The following DIP2C variants were observed in gnomAD, a reference collection of about 807,000 sequenced individuals.
The protein encoded by DIP2C is DIP2 acetate--CoA ligase C (putative), also known as disco-interacting protein 2 homolog C.
DIP2C carries 33 observed loss-of-function variants against 192.4 expected under a neutral mutation model. That is an observed-to-expected ratio of 0.17 (90% confidence interval 0.13 to 0.23). DIP2C has a LOEUF of 0.23. Ranked by LOEUF, DIP2C falls within the 10% of genes least tolerant of loss-of-function variation. The probability of loss-of-function intolerance (pLI) is 1.00; values close to 1 mark genes in which losing one functional copy is unlikely to be tolerated. For synonymous variants in DIP2C, 979 were observed against 864.1 expected, an observed-to-expected ratio of 1.13 and a Z score of -2.33; for missense variants, 1,537 against 2,110.1, an observed-to-expected ratio of 0.73 and a Z score of 5.32.
At chr10:364,079 T>C (rs1959880451) in intron 20 of DIP2C, among the ~76,000 whole-genome samples, 1 of 152,242 alleles carries the variant, frequency 6.6e-6, no homozygotes, top group Non-Finnish European at 1.5e-5. Flanking sequence ...TATCTGGATC[T>C]TTAATTTGTG....
In DIP2C at chr10:532,297, C is replaced by T. The variant is rs188664024; in HGVS notation, c.86-45767G>A. Among the ~76,000 whole-genome samples the T allele has an allele frequency of 2.0e-3, 298 of 152,236 alleles. 1 individual carries two copies. The highest frequency in any genetic ancestry group is 0.01 in the Middle Eastern group (3 of 294). ...CCTCCACCCCCGCAGTCATGCTGAA[C>T]CAGAACTGGCTTCTAAGGCCCTTAA... On this transcript the variant is annotated intron_variant, in intron 1 of 36. Coordinates refer to ENST00000280886, the MANE Select transcript of DIP2C (RefSeq NM_014974.3).
intron 1 of DIP2C, among the ~76,000 whole-genome samples, chr10:515,858 A>G (rs1846318791): frequency 6.6e-6 from 1 of 152,130 alleles, no homozygotes; most frequent in Non-Finnish European, 1.5e-5. Flanking sequence ...CTCGTCTCTA[A>G]ACACTATGGT....
chr10:587,647 C>T (rs1224179580), intron 1 of DIP2C, among the ~76,000 whole-genome samples: 1 of 149,476 alleles, frequency 6.7e-6, no homozygotes, highest in Non-Finnish European at 1.5e-5. Flanking sequence ...CACATCCACA[C>T]CAGCCACTGC....
chr10:518,718 T>C (rs1377561986), intron 1 of DIP2C, among the ~76,000 whole-genome samples: 1 of 152,136 alleles, frequency 6.6e-6, no homozygotes, highest in African/African-American at 2.4e-5. Context: ...CAGTCAATGG[T>C]GTTTTGTTAC....
At chr10:433,125 T>C (rs1349772297) in intron 4 of DIP2C, among the ~76,000 whole-genome samples, 2 of 152,362 alleles carry the variant, frequency 1.3e-5, no homozygotes, top group South Asian at 2.1e-4. Context: ...GAGGATGTTG[T>C]TGATTTCAAT....
chr10:567,923 C>A (rs1401441533), intron 1 of DIP2C, among the ~76,000 whole-genome samples: 2 of 152,232 alleles, frequency 1.3e-5, no homozygotes, highest in African/African-American at 2.4e-5. Context: ...AGCAATCGCG[C>A]CTGGCCGAGA....
chr10:362,655 G>A lies in DIP2C; in HGVS notation c.2629C>T (p.Leu877=). The change falls in exon 22 of 37, where the codon CTG becomes TTG. Residue 877 remains leucine (L), a synonymous_variant. Coordinates refer to ENST00000280886, the MANE Select transcript of DIP2C (RefSeq NM_014974.3). The part of the protein sequence containing the change: ...DSIHQVGVYC[L]ALVPANTLPK... ...AGGGTGTTTGCTGGCACCAAGGCCA[G>A]GCAATAAACTCCAACTTGATGTATA... The A allele has an allele frequency of 6.2e-7, 1 of 1,613,630 alleles. No individual in the cohort carries two copies. The highest frequency in any genetic ancestry group is 8.5e-7 in the Non-Finnish European group (1 of 1,179,710).
At chr10:669,972 T>C (rs1325402034) in intron 1 of DIP2C, among the ~76,000 whole-genome samples, 1 of 152,228 alleles carries the variant, frequency 6.6e-6, no homozygotes. Context: ...TGTTCATCTT[T>C]ATTAATGATG....
intron 6 of DIP2C, among the ~76,000 whole-genome samples, chr10:417,651 TCCAC>T (rs1247621804): frequency 9.5e-4 from 13 of 13,644 alleles, no homozygotes; most frequent in African/African-American, 1.9e-3. Context: ...GGCCTCCCTG[TCCAC>T]CTGTTCCTGT....
intron 32 of DIP2C, among the ~76,000 whole-genome samples, chr10:289,645 T>G (rs1400500936): frequency 1.3e-5 from 2 of 152,044 alleles, no homozygotes; most frequent in Non-Finnish European, 2.9e-5. Context: ...CTGACAGATG[T>G]ACCAAGAAGG....
chr10:404,911 T>C (rs549659854), intron 9 of DIP2C, among the ~76,000 whole-genome samples: 1 of 152,378 alleles, frequency 6.6e-6, no homozygotes, highest in South Asian at 2.1e-4. Flanking sequence ...GCTGATGGCA[T>C]GTTTTTCAGA....
chr10:486,338 A>G (rs1481170380), intron 2 of DIP2C, 121 bp downstream of exon 2: 9 of 864,908 alleles, frequency 1.0e-5, no homozygotes, highest in Non-Finnish European at 3.6e-6. Flanking sequence ...CTGGAGGGTG[A>G]ACGCCAGACG....
intron 5 of DIP2C, among the ~76,000 whole-genome samples, chr10:419,854 A>C (rs1966059063): frequency 3.3e-5 from 5 of 152,330 alleles, no homozygotes; most frequent in African/African-American, 1.2e-4. Flanking sequence ...AAGGCCAATG[A>C]GCGCGTGGAG....
chr10:396,356 C>A (rs531185866), intron 10 of DIP2C, among the ~76,000 whole-genome samples: 1 of 152,216 alleles, frequency 6.6e-6, no homozygotes, highest in African/African-American at 2.4e-5. Flanking sequence ...CCACCTCCCC[C>A]CTTTATCCAA....
chr10:396,405 C>T (rs999961286), intron 10 of DIP2C, among the ~76,000 whole-genome samples: 5 of 152,134 alleles, frequency 3.3e-5, no homozygotes, highest in Non-Finnish European at 7.4e-5. Flanking sequence ...CTGGAGGACA[C>T]CAGGCTATAC....
In DIP2C at chr10:364,429, C is replaced by T. The variant is rs1959933394; in HGVS notation, c.2422G>A (p.Asp808Asn). The T allele has an allele frequency of 3.1e-6, 5 of 1,614,072 alleles. No homozygotes were observed. Among genetic ancestry groups the T allele is most frequent in the South Asian group, 2.2e-5 (2 of 91,078 alleles). The change falls in exon 20 of 37, where the codon GAC (aspartate) becomes AAC (asparagine). Residue 808 changes from aspartate (D) to asparagine (N), a missense_variant. Asp to Asn is a conservative substitution (Grantham distance 23). This residue lies in a region of DIP2C where 677 missense variants were observed against 989.9 expected (regional missense o/e 0.68). Coordinates refer to ENST00000280886, the MANE Select transcript of DIP2C (RefSeq NM_014974.3). The stretch of plus-strand genomic sequence containing the variant: ...ACGGCCAGCGCAGTGGCCACGATGT[C>T]GTCGGCGTTGTGCCTGCGCCCGCTG... ...VVSGRRHNAD[D>N]IVATALAVEP... is the part of the protein sequence containing the mutation.
chr10:618,540 C>A (rs1853622723), intron 1 of DIP2C, among the ~76,000 whole-genome samples: 1 of 152,212 alleles, frequency 6.6e-6, no homozygotes, highest in South Asian at 2.1e-4. Context: ...AGCGTCCACG[C>A]CAGGTGACGG....
intron 7 of DIP2C, among the ~76,000 whole-genome samples, chr10:414,789 A>ATG (rs1379708732): frequency 7.6e-6 from 1 of 130,738 alleles, no homozygotes; most frequent in Non-Finnish European, 1.6e-5. Context: ...ATATATATAT[A>ATG]AAATGTATAT....
chr10:369,731 G>GGGCACAGTGCTGGCACCCCA, intron 17 of DIP2C, 98 bp from the exon 18 acceptor site: 5 of 1,592,378 alleles, frequency 3.1e-6, no homozygotes, highest in East Asian at 2.2e-5. Context: ...GGGCACCTCT[G>GGGCACAGTGCTGGCACCCCA]GGCACAGTGC....
Sources: gnomAD v4.1 joint callset for allele counts (sites outside exome capture counted in the v4.1 genomes callset) on GRCh38, gnomAD v4.1.1 for gene constraint, gnomAD v4.1.1 regional missense constraint, MANE v1.5 for transcripts, NCBI Gene and HGNC (gene_info 2026-07-23, HGNC 2026-07-21) for gene names.